CSMD1: variants seen among roughly 807,000 people sequenced by gnomAD.
CSMD1 encodes the protein CUB and Sushi multiple domains 1, also known as CUB and sushi domain-containing protein 1.
In CSMD1, 213 loss-of-function variants were observed where a neutral mutation model predicts 417.5. That is an observed-to-expected ratio of 0.51 (90% CI 0.46 to 0.57). CSMD1 has a LOEUF of 0.57. Ranked by LOEUF, CSMD1 falls within the 20% of genes least tolerant of loss-of-function variation. The probability of loss-of-function intolerance (pLI) is 0.00; values close to 1 mark genes in which losing one functional copy is unlikely to be tolerated. For synonymous variants in CSMD1, 2,862 were observed against 1,736.8 expected, an observed-to-expected ratio of 1.65 and a Z score of -16.11; for missense variants, 6,923 against 4,529.7, an observed-to-expected ratio of 1.53 and a Z score of -15.17.
intron 10 of CSMD1, among the ~76,000 whole-genome samples, chr8:3,568,487 A>T (rs1274127753): frequency 6.6e-6 from 1 of 152,222 alleles, no homozygotes; most frequent in Non-Finnish European, 1.5e-5. Context: ...AAATCCTCAG[A>T]GTTTTTAATG....
At chr8:4,788,416 C>T (rs1210927020) in intron 1 of CSMD1, 4 of 1,341,172 alleles carry the variant, frequency 3.0e-6, no homozygotes, top group Admixed American at 1.8e-5. Flanking sequence ...CTTTGACTAC[C>T]CAGGGTCTTG....
At position 3,118,584 on chromosome 8, in the gene CSMD1, T is replaced by C; in HGVS notation, c.6245A>G (p.Tyr2082Cys). The C allele has an allele frequency of 5.6e-6, 9 of 1,610,194 alleles. No individual in the cohort carries two copies. Among genetic ancestry groups the C allele is most frequent in the South Asian group, 1.1e-5 (1 of 89,920 alleles). Residue 2082 changes from tyrosine (Y) to cysteine (C), a missense_variant, in exon 42 of 70, where the codon TAT (tyrosine) becomes TGT (cysteine). Physicochemically the swap from Tyr to Cys is radical, Grantham distance 194. Transcript: ENST00000635120. ...TGGATCTGGACAGTTCTGTAATTCA[T>C]AGGCTGAAAGAAACAAACAGACAAA... Reference protein sequence around the residue: ...RQGFKLAYQAYELQNCPDPPP... With the variant: ...RQGFKLAYQACELQNCPDPPP...
At chr8:4,049,716 C>A (rs1798324417) in intron 3 of CSMD1, among the ~76,000 whole-genome samples, 1 of 152,128 alleles carries the variant, frequency 6.6e-6, no homozygotes, top group Non-Finnish European at 1.5e-5. Context: ...ATTTAGACTA[C>A]TTTAAAAATT....
chr8:3,689,253 A>C (rs1800108386), intron 7 of CSMD1, among the ~76,000 whole-genome samples: 2 of 152,176 alleles, frequency 1.3e-5, no homozygotes, highest in Admixed American at 6.5e-5. Flanking sequence ...CCATGAAGTG[A>C]ATCATGGAAC....
chr8:4,850,850 A>C lies in CSMD1; in HGVS notation c.85+143482T>G, dbSNP rs754230901. Reference sequence around the variant, plus strand: ...GGCATCCTTTTGCTGAATTCAATAAAGTATGTTTAGTCCTCATGTCACATG... The same window carrying C: ...GGCATCCTTTTGCTGAATTCAATAACGTATGTTTAGTCCTCATGTCACATG... On this transcript the variant is annotated intron_variant, in intron 1 of 69. Transcript: ENST00000635120. Among the ~76,000 whole-genome samples, 7 of 152,196 alleles carry C rather than the reference A, an allele frequency of 4.6e-5. No homozygotes were observed. In the South Asian group the frequency reaches 1.5e-3, roughly 32 times the overall value.
At chr8:3,858,629 T>G (rs1375187622) in intron 5 of CSMD1, among the ~76,000 whole-genome samples, 1 of 152,122 alleles carries the variant, frequency 6.6e-6, no homozygotes. Flanking sequence ...TTTAAAACAT[T>G]ACCTTTTTCT....
chr8:3,888,879 T>C (rs907540622), intron 5 of CSMD1, among the ~76,000 whole-genome samples: 4 of 152,156 alleles, frequency 2.6e-5, no homozygotes, highest in African/African-American at 4.8e-5. Context: ...GTGACTTCAA[T>C]ATCAATGATG....
intron 1 of CSMD1, among the ~76,000 whole-genome samples, chr8:4,790,719 G>T (rs1345499646): frequency 6.6e-6 from 1 of 152,106 alleles, no homozygotes; most frequent in Non-Finnish European, 1.5e-5. Context: ...CCAGCAAAAA[G>T]AAGCAACCAG....
chr8:3,476,809 T>A (rs1387396820), intron 11 of CSMD1, among the ~76,000 whole-genome samples: 5 of 151,426 alleles, frequency 3.3e-5, no homozygotes, highest in Admixed American at 6.6e-5. Context: ...TCCCAGCTAC[T>A]TGGGAGGCTG....
intron 3 of CSMD1, among the ~76,000 whole-genome samples, chr8:4,295,865 A>C (rs1200274342): frequency 2.7e-5 from 4 of 150,142 alleles, no homozygotes; most frequent in African/African-American, 9.8e-5. Flanking sequence ...CCATTATCCC[A>C]AACAAGTACA....
At position 3,073,154 on chromosome 8, in the gene CSMD1, G is replaced by T. The variant is rs117528227; in HGVS notation, c.7474+13943C>A. Among the ~76,000 whole-genome samples, 98 of 152,250 alleles carry T rather than the reference G, an allele frequency of 6.4e-4. No homozygotes were observed. The East Asian group carries it at 0.017, about 27-fold the overall frequency. The stretch of plus-strand genomic sequence containing the variant: ...CTGATGAAAACTTTGCAAATAGAGT[G>T]AGGAAAATGACTTGAATGCATTTGA... On this transcript the variant is annotated intron_variant, in intron 49 of 69. Coordinates refer to ENST00000635120, the MANE Select transcript of CSMD1 (RefSeq NM_033225.6).
chr8:4,459,141 C>A (rs937959342), intron 2 of CSMD1, among the ~76,000 whole-genome samples: 1 of 152,222 alleles, frequency 6.6e-6, no homozygotes. Flanking sequence ...CCTTTCTCAT[C>A]CTCACAAGCT....
intron 3 of CSMD1, among the ~76,000 whole-genome samples, chr8:4,225,606 G>A (rs1003609896): frequency 3.3e-5 from 5 of 150,618 alleles, no homozygotes; most frequent in Middle Eastern, 3.4e-3. Context: ...GAGGAAATAT[G>A]CTGTTGTCCA....
intron 2 of CSMD1, among the ~76,000 whole-genome samples, chr8:4,557,824 C>T (rs772590916): frequency 3.9e-5 from 6 of 152,206 alleles, no homozygotes; most frequent in African/African-American, 7.2e-5. Context: ...TTTCTCGTTA[C>T]GTTTCATAGC....
At chr8:3,240,432 GT>G (rs1174665158) in intron 26 of CSMD1, among the ~76,000 whole-genome samples, 13 of 27,996 alleles carry the variant, frequency 4.6e-4, no homozygotes, top group Non-Finnish European at 1.3e-3. Context: ...GAAAGGAGTT[GT>G]TGTTTTATAG....
intron 3 of CSMD1, among the ~76,000 whole-genome samples, chr8:4,215,994 C>T (rs1320511891): frequency 6.6e-6 from 1 of 152,114 alleles, no homozygotes; most frequent in Non-Finnish European, 1.5e-5. Flanking sequence ...GAGAGTGGTG[C>T]CCATTTCAGC....
intron 3 of CSMD1, among the ~76,000 whole-genome samples, chr8:4,326,727 G>A (rs1017581975): frequency 6.6e-6 from 1 of 152,146 alleles, no homozygotes; most frequent in African/African-American, 2.4e-5. Flanking sequence ...ACCAAATGGG[G>A]ACTTGATGGA....
chr8:3,539,543 T>C (rs1215100276), intron 10 of CSMD1, among the ~76,000 whole-genome samples: 1 of 152,050 alleles, frequency 6.6e-6, no homozygotes, highest in Non-Finnish European at 1.5e-5. Flanking sequence ...ATTTTAAACG[T>C]GCAAGGAAAA....
chr8:3,135,837 G>C (rs1585438221), intron 41 of CSMD1, among the ~76,000 whole-genome samples: 1 of 152,136 alleles, frequency 6.6e-6, no homozygotes, highest in East Asian at 1.9e-4. Context: ...AATTGCAGTA[G>C]GAGAAGCAGG....
Sources: allele counts gnomAD v4.1 joint callset (sites outside exome capture counted in the v4.1 genomes callset), GRCh38; gene constraint gnomAD v4.1.1; transcripts MANE v1.5; gene names NCBI Gene and HGNC (gene_info 2026-07-23, HGNC 2026-07-21).